JMJD7: variants seen among roughly 807,000 people sequenced by gnomAD.
JMJD7 encodes bifunctional peptidase and (3S)-lysyl hydroxylase JMJD7.
JMJD7 carries 41 observed loss-of-function variants against 41.1 expected under a neutral mutation model. The ratio of observed to expected loss-of-function variants is 1.00; its 90% CI spans 0.78 to 1.30. The LOEUF (loss-of-function observed/expected upper bound fraction) is 1.30. JMJD7 is among the 50% of genes most tolerant of loss of function. The pLI is 0.00. For synonymous variants in JMJD7, 202 were observed against 177.2 expected (o/e 1.14, Z -1.11); for missense variants, 480 against 420.7 (o/e 1.14, Z -1.23).
intron 1 of JMJD7, among the ~76,000 whole-genome samples, chr15:41,833,238 A>C (rs1203572679): frequency 1.3e-5 from 2 of 151,852 alleles, no homozygotes; most frequent in Non-Finnish European, 2.9e-5. Context: ...ACTTTTATTC[A>C]ACATTAGGCA....
chr15:41,837,221 T>G lies in JMJD7; in HGVS notation c.*65T>G, dbSNP rs2065337527. On this transcript the variant is annotated 3_prime_UTR_variant, in exon 8 of 8. Coordinates refer to ENST00000397299, the MANE Select transcript of JMJD7 (RefSeq NM_001114632.2). ...CGGAGCCAGCCCCTCCCTGGCCAGG[T>G]CAATTCTCGAGAGAGCCTGGAGTGT... 8.5e-7 allele frequency: 1 copy of G among 1,171,048 alleles called. No individual in the cohort carries two copies. Among genetic ancestry groups the G allele is most frequent in the Admixed American group, 2.0e-5 (1 of 50,358 alleles). 72.5% of individuals were successfully genotyped at this position (1,171,048 alleles called of 1,614,324 possible).
At chr15:41,833,393 CATATATAT>C (rs55860712) in intron 1 of JMJD7, among the ~76,000 whole-genome samples, 3 of 50,562 alleles carry the variant, frequency 5.9e-5, no homozygotes, top group Non-Finnish European at 7.9e-5. Context: ...AGGTGAAATA[CATATATAT>C]ATATATATAT....
intron 1 of JMJD7, among the ~76,000 whole-genome samples, chr15:41,831,472 G>T (rs1050165476): frequency 6.6e-6 from 1 of 152,206 alleles, no homozygotes; most frequent in Admixed American, 6.5e-5. Context: ...GGGACCATTT[G>T]GAGCAGGATG....
At chr15:41,829,798 G>T (rs2065202330) in intron 1 of JMJD7, among the ~76,000 whole-genome samples, 1 of 152,190 alleles carries the variant, frequency 6.6e-6, no homozygotes, top group Non-Finnish European at 1.5e-5. Flanking sequence ...GCTGTGTGCA[G>T]TACTCACGCC....
At chr15:41,835,280 G>T in intron 3 of JMJD7, 57 bp downstream of exon 3, 1 of 1,552,158 alleles carries the variant, frequency 6.4e-7, no homozygotes, top group Non-Finnish European at 8.7e-7. Context: ...GAAGGAGGGG[G>T]GTCAGCCTGT....
Position 41,833,833 on chromosome 15 carries a change from G to T in JMJD7, c.65-907G>T, listed in dbSNP as rs575377317. 1.0e-3 allele frequency among the ~76,000 whole-genome samples: 154 copies of T among 152,318 alleles called. 1 individual carries two copies. Among genetic ancestry groups the T allele is most frequent in the African/African-American group, 3.5e-3 (144 of 41,570 alleles). Reference sequence around the variant, plus strand: ...TATAAATTTAGAAAGTATAGTCAGAGAAGGAAGTCTTATCAATGTGATATT... The same window carrying T: ...TATAAATTTAGAAAGTATAGTCAGATAAGGAAGTCTTATCAATGTGATATT... On this transcript the variant is annotated intron_variant, in intron 1 of 7. Coordinates refer to ENST00000397299, the MANE Select transcript of JMJD7 (RefSeq NM_001114632.2).
At chr15:41,828,831 T>G (rs1008799029) in intron 1 of JMJD7, among the ~76,000 whole-genome samples, 10 of 152,290 alleles carry the variant, frequency 6.6e-5, no homozygotes, top group African/African-American at 2.4e-4. Context: ...TACCCTTTTT[T>G]TGTACAAATA....
chr15:41,830,760 A>G (rs2065218545), intron 1 of JMJD7, among the ~76,000 whole-genome samples: 1 of 152,194 alleles, frequency 6.6e-6, no homozygotes, highest in South Asian at 2.1e-4. Flanking sequence ...ACCTGATCAG[A>G]TCATGGAGCA....
chr15:41,835,944 A>C (rs2065306741), intron 4 of JMJD7: 9 of 598,674 alleles, frequency 1.5e-5, no homozygotes, highest in Non-Finnish European at 2.0e-5. Context: ...AGAGGAGTCC[A>C]GGGCCTGGTG....
rs757535889 is a variant in JMJD7, at chr15:41,837,447, C to A, written c.*291C>A. On this transcript the variant is annotated 3_prime_UTR_variant, in exon 8 of 8. Coordinates refer to ENST00000397299, the MANE Select transcript of JMJD7 (RefSeq NM_001114632.2). The stretch of plus-strand genomic sequence containing the variant: ...TGATGTTGGGCGAGTCACTGCGTCT[C>A]GGGCATTGGTGTCCTGTCAGTAAAG... The A allele has an allele frequency of 1.5e-4, 71 of 479,842 alleles. No homozygotes were observed. The highest frequency in any genetic ancestry group is 1.3e-4 in the Non-Finnish European group (34 of 269,248). 29.7% of individuals were successfully genotyped at this position (479,842 alleles called of 1,614,324 possible). A position where few individuals can be genotyped will look rare whatever the true frequency, so the allele number is the denominator to read the frequency against.
intron 1 of JMJD7, among the ~76,000 whole-genome samples, chr15:41,829,787 G>A (rs1330280619): frequency 6.6e-6 from 1 of 152,222 alleles, no homozygotes; most frequent in African/African-American, 2.4e-5. Context: ...CAGAATCCCA[G>A]GCTGTGTGCA....
rs779555481 is a variant in JMJD7, at chr15:41,836,803, C to T, written c.725C>T (p.Pro242Leu). The T allele has an allele frequency of 1.2e-5, 20 of 1,610,994 alleles. No individual in the cohort carries two copies. Among genetic ancestry groups the T allele is most frequent in the Non-Finnish European group, 1.6e-5 (19 of 1,178,952 alleles). Residue 242 changes from proline (P) to leucine (L), a missense_variant, in exon 7 of 8, where the codon CCC (proline) becomes CTC (leucine). By Grantham distance (98) the Pro-to-Leu change is moderately conservative. Coordinates refer to ENST00000397299, the MANE Select transcript of JMJD7 (RefSeq NM_001114632.2). ...MEKVPWIPLD[P>L]LAPDLARYPS... ...CAGGTGCCCTGGATCCCACTGGACC[C>T]CTTGGCGCCAGACCTAGCACGGTAC...
At chr15:41,830,687 C>T (rs1000880083) in intron 1 of JMJD7, among the ~76,000 whole-genome samples, 1 of 152,232 alleles carries the variant, frequency 6.6e-6, no homozygotes, top group Non-Finnish European at 1.5e-5. Flanking sequence ...AGGAAGGCCC[C>T]TTCCTGCTGC....
Position 41,836,866 on chromosome 15 carries a change from T to C in JMJD7, c.788T>C (p.Val263Ala), listed in dbSNP as rs772661097. 5 of 1,613,188 alleles carry C rather than the reference T, an allele frequency of 3.1e-6. No individual in the cohort carries two copies. In the Admixed American group the frequency reaches 8.3e-5, roughly 27 times the overall value. The change falls in exon 7 of 8, where the codon GTG becomes GCG. Residue 263 changes from valine (V) to alanine (A), a missense_variant. Val to Ala is a moderately conservative substitution (Grantham distance 64). Coordinates refer to ENST00000397299, the MANE Select transcript of JMJD7 (RefSeq NM_001114632.2). ...CAGGCCCAGGCCCTTCGCTGCACGG[T>C]GCGGGCCGGTGAGATGCTCTATCTG... ...YSQAQALRCT[V>A]RAGEMLYLPA...
At chr15:41,828,319 G>A in intron 1 of JMJD7, 131 bp downstream of exon 1, 3 of 1,123,048 alleles carry the variant, frequency 2.7e-6, no homozygotes, top group Non-Finnish European at 3.5e-6. Context: ...CTCTTCTGTG[G>A]CAACCTGCTT....
rs766256605 is a variant in JMJD7, at chr15:41,836,837, C to G, written c.759C>G (p.Tyr253Ter). The change falls in exon 7 of 8, where the codon TAC becomes TAG. Residue 253 changes from tyrosine (Y) to a stop codon, truncating the protein, a stop_gained. Transcript: ENST00000397299. LOFTEE classifies it high-confidence loss of function. ...CAGACCTAGCACGGTACCCTAGTTA[C>G]AGTCAGGCCCAGGCCCTTCGCTGCA... ...LAPDLARYPS[Y>*]SQAQALRCTV... 5 of 1,612,868 alleles carry G rather than the reference C, an allele frequency of 3.1e-6. No homozygotes were observed. In the African/African-American group the frequency reaches 5.3e-5, roughly 17 times the overall value.
Position 41,837,176 on chromosome 15 carries a change from A to G in JMJD7, c.*20A>G, listed in dbSNP as rs543365308. On this transcript the variant is annotated 3_prime_UTR_variant, in exon 8 of 8. Transcript: ENST00000397299. ...GACTGATGGAGCACTGGTGAACACC[A>G]CCAAGCACGCCTCGGGGGACGGAGC... The G allele has an allele frequency of 2.5e-5, 39 of 1,560,322 alleles. No individual in the cohort carries two copies. The highest frequency in any genetic ancestry group is 3.3e-5 in the Non-Finnish European group (37 of 1,136,672).
chr15:41,831,599 G>A (rs946085622), intron 1 of JMJD7, among the ~76,000 whole-genome samples: 1 of 152,190 alleles, frequency 6.6e-6, no homozygotes, highest in Non-Finnish European at 1.5e-5. Context: ...GTCTGAGTGA[G>A]CAGCTGGAAC....
chr15:41,835,298 T>A, intron 3 of JMJD7, 75 bp downstream of exon 3: 3 of 1,524,964 alleles, frequency 2.0e-6, no homozygotes, highest in Non-Finnish European at 2.6e-6. Context: ...TGTTTGCCCT[T>A]AGGTGATGAC....
Sources: allele counts gnomAD v4.1 joint callset (sites outside exome capture counted in the v4.1 genomes callset), GRCh38; gene constraint gnomAD v4.1.1; transcripts MANE v1.5; gene names NCBI Gene and HGNC (gene_info 2026-07-23, HGNC 2026-07-21).